The following ARID1B variants were observed in gnomAD, a reference collection of about 807,000 sequenced individuals.
The protein encoded by ARID1B is AT-rich interactive domain-containing protein 1B.
ARID1B carries 30 observed loss-of-function variants against 212.3 expected under a neutral mutation model. The ratio of observed to expected loss-of-function variants is 0.14; its 90% confidence interval spans 0.11 to 0.19. The LOEUF (loss-of-function observed/expected upper bound fraction) is 0.19. Ranked by LOEUF, ARID1B falls within the 10% of genes least tolerant of loss-of-function variation. The pLI is 1.00. For missense variants in ARID1B, 2,891 were observed against 3,204.0 expected (o/e 0.90, Z 2.36); for synonymous variants, 1,402 against 1,301.7 (o/e 1.08, Z -1.66).
Position 157,191,467 on chromosome 6 carries a change from C to G in ARID1B, c.4231+1257C>G, listed in dbSNP as rs528273901. 1.7e-4 allele frequency among the ~76,000 whole-genome samples: 26 copies of G among 152,158 alleles called. 1 individual carries two copies. The Middle Eastern group carries it at 0.024, about 139-fold the overall frequency. ...GAGCAGATGTTGGGATCGGTATGAT[C>G]TTGGAGTAGTAAGTGTAGAAATGGC... On this transcript the variant is annotated intron_variant, in intron 15 of 19. Transcript: ENST00000636930.
At chr6:156,865,755 T>C (rs745977505) in intron 2 of ARID1B, among the ~76,000 whole-genome samples, 3 of 152,112 alleles carry the variant, frequency 2.0e-5, no homozygotes, top group African/African-American at 7.2e-5. Context: ...ATATTTCTAA[T>C]TTCCAGGAGC....
intron 11 of ARID1B, among the ~76,000 whole-genome samples, chr6:157,176,983 C>T (rs369129233): frequency 3.0e-4 from 45 of 152,282 alleles, no homozygotes; most frequent in East Asian, 2.7e-3. Flanking sequence ...TATTTTAATT[C>T]ACTAGTTAAG....
At chr6:157,161,526 CCTT>C (rs200420860) in intron 8 of ARID1B, among the ~76,000 whole-genome samples, 4,252 of 151,960 alleles carry the variant, frequency 0.028, 77 homozygotes, top group Non-Finnish European at 0.043. Flanking sequence ...CTGAGTCTCT[CCTT>C]CTCAGTACTG....
At chr6:157,149,409 A>G (rs1583406715) in intron 8 of ARID1B, 1 of 171,222 alleles carries the variant, frequency 5.8e-6, no homozygotes, top group Non-Finnish European at 1.3e-5. Flanking sequence ...GTATGTATAC[A>G]TACGTGTATT....
At chr6:156,950,831 A>G (rs1168118627) in intron 4 of ARID1B, among the ~76,000 whole-genome samples, 1 of 152,186 alleles carries the variant, frequency 6.6e-6, no homozygotes, top group East Asian at 1.9e-4. Context: ...TTCTTAAATC[A>G]TACTTACTGT....
In ARID1B at chr6:156,804,051, C is replaced by G. The variant is rs564953587; in HGVS notation, c.1791+24580C>G. ...GAGAATGTTTCTAAAGAACACCCCTCAAGGCTGGGCATGGTGGCTCACTCC... is the reference window on the plus strand; with the variant it reads ...GAGAATGTTTCTAAAGAACACCCCTGAAGGCTGGGCATGGTGGCTCACTCC... On this transcript the variant is annotated intron_variant, in intron 1 of 19. Coordinates refer to ENST00000636930, the MANE Select transcript of ARID1B (RefSeq NM_001374828.1). 1.1e-4 allele frequency among the ~76,000 whole-genome samples: 17 copies of G among 152,208 alleles called. No homozygotes were observed. The East Asian group carries it at 3.3e-3, about 29-fold the overall frequency.
At chr6:156,953,618 A>G (rs1197427157) in intron 4 of ARID1B, among the ~76,000 whole-genome samples, 3 of 152,206 alleles carry the variant, frequency 2.0e-5, no homozygotes, top group Non-Finnish European at 2.9e-5. Flanking sequence ...ATATGAGAAT[A>G]TGTGGTACCG....
In ARID1B at chr6:157,206,414, A is replaced by G. The variant is rs1360183236; in HGVS notation, c.5642A>G (p.Asp1881Gly). Residue 1881 changes from aspartate to glycine, a missense_variant, in exon 20 of 20, where the codon GAT becomes GGT. Coordinates refer to ENST00000636930, the MANE Select transcript of ARID1B (RefSeq NM_001374828.1). This position sits in a 1 kb window ranked among gnomAD's most constrained non-coding sequence, Gnocchi z 6.8. ...EEEDSEKTES[D>G]EKSSIALTAP... is the part of the protein sequence containing the mutation. ...GAAGACAGCGAGAAGACAGAAAGCG[A>G]TGAAAAGAGCAGCATCGCTCTGACT... The G allele has an allele frequency of 2.5e-6, 4 of 1,614,190 alleles. No homozygotes were observed. In the South Asian group the frequency reaches 4.4e-5, roughly 18 times the overall value.
intron 2 of ARID1B, among the ~76,000 whole-genome samples, chr6:156,850,278 A>T (rs902502204): frequency 1.1e-4 from 17 of 151,896 alleles, no homozygotes; most frequent in African/African-American, 3.4e-4. Flanking sequence ...ACTCTTTTTG[A>T]CTGGACAATA....
At chr6:156,909,123 C>CTTTTT (rs60183999) in intron 3 of ARID1B, among the ~76,000 whole-genome samples, 57 of 108,820 alleles carry the variant, frequency 5.2e-4, no homozygotes, top group African/African-American at 1.8e-3. Flanking sequence ...TTTTCTTTCT[C>CTTTTT]TTTTTTTTTT....
intron 1 of ARID1B, among the ~76,000 whole-genome samples, chr6:156,791,060 G>T (rs1447390888): frequency 1.3e-5 from 2 of 152,194 alleles, no homozygotes; most frequent in Non-Finnish European, 2.9e-5. Context: ...TAACTTAAAA[G>T]AATATGCTTT....
At chr6:157,062,201 G>GTT (rs1430308696) in intron 4 of ARID1B, among the ~76,000 whole-genome samples, 2 of 150,350 alleles carry the variant, frequency 1.3e-5, no homozygotes, top group African/African-American at 4.9e-5. Flanking sequence ...CTTTTGTTTT[G>GTT]TTGTTTTTTT....
rs776483400 is a variant in ARID1B, at chr6:157,207,318, G to C, written c.6546G>C (p.Pro2182=). 5 of 1,614,008 alleles carry C rather than the reference G, an allele frequency of 3.1e-6. No individual in the cohort carries two copies. The highest frequency in any genetic ancestry group is 1.3e-5 in the African/African-American group (1 of 75,032). ...LDGLLHWMVC[P]SAEAQDPFPT... is the part of the protein sequence containing the mutation. ...GCTTGCTGCACTGGATGGTGTGCCC[G>C]TCTGCAGAGGCACAAGATCCCTTTC... Residue 2182 remains proline (P), a synonymous_variant, in exon 20 of 20, where the codon CCG becomes CCC. Coordinates refer to ENST00000636930, the MANE Select transcript of ARID1B (RefSeq NM_001374828.1). The surrounding 1 kb of genome is among the most constrained non-coding windows in gnomAD (Gnocchi z 8.5).
At chr6:156,971,200 C>T (rs1362090449) in intron 4 of ARID1B, among the ~76,000 whole-genome samples, 1 of 152,102 alleles carries the variant, frequency 6.6e-6, no homozygotes, top group African/African-American at 2.4e-5. Flanking sequence ...CTTTTACTTT[C>T]CTTGTGGTCT....
At chr6:156,814,175 G>C (rs1213132185) in intron 1 of ARID1B, among the ~76,000 whole-genome samples, 1 of 152,128 alleles carries the variant, frequency 6.6e-6, no homozygotes, top group Non-Finnish European at 1.5e-5. Flanking sequence ...CAGCACTTTG[G>C]GAGGCTGAGG....
At chr6:157,140,483 A>G in intron 7 of ARID1B, 1 of 395,080 alleles carries the variant, frequency 2.5e-6, no homozygotes. Context: ...AAAAATAAAA[A>G]GAACACTTTT....
chr6:156,892,620 A>G (rs999622219), intron 2 of ARID1B, among the ~76,000 whole-genome samples: 2 of 152,254 alleles, frequency 1.3e-5, no homozygotes, highest in African/African-American at 4.8e-5. Flanking sequence ...ACATACGTCT[A>G]GGATACCACT....
intron 5 of ARID1B, among the ~76,000 whole-genome samples, chr6:157,093,018 C>T (rs781331966): frequency 1.8e-4 from 27 of 152,210 alleles, no homozygotes; most frequent in Non-Finnish European, 3.1e-4. Context: ...AGTGTCACTG[C>T]GTCTGGATTC....
At chr6:156,901,304 T>C in intron 2 of ARID1B, 72 bp from the exon 3 acceptor site, 1 of 1,564,028 alleles carries the variant, frequency 6.4e-7, no homozygotes, top group Non-Finnish European at 8.8e-7. Context: ...TGTTGCTGAA[T>C]TGAAACCATA....
Sources: gnomAD v4.1 joint callset for allele counts (sites outside exome capture counted in the v4.1 genomes callset) on GRCh38, gnomAD v4.1.1 for gene constraint, Gnocchi (gnomAD v3.1) non-coding constraint, MANE v1.5 for transcripts, NCBI Gene and HGNC (gene_info 2026-07-23, HGNC 2026-07-21) for gene names.